ANO2: variants seen among roughly 807,000 people sequenced by gnomAD.
ANO2 encodes the protein anoctamin-2.
ANO2 carries 101 observed loss-of-function variants against 124.2 expected under a neutral mutation model. The ratio of observed to expected loss-of-function variants is 0.81; its 90% CI spans 0.69 to 0.96. ANO2 has a LOEUF of 0.96. Among genes scored for constraint, ANO2 ranks in the 40% least tolerant of loss-of-function variants. The pLI is 0.00. For missense variants in ANO2, 1,293 were observed against 1,274.5 expected (o/e 1.01, Z -0.22); for synonymous variants, 486 against 482.5 (o/e 1.01, Z -0.09).
chr12:5,578,490 G>C lies in ANO2; in HGVS notation c.2262C>G (p.Phe754Leu), dbSNP rs373194140. Reference protein sequence around the residue: ...MIIQFGFVTLFVASFPLAPVF... With the variant: ...MIIQFGFVTLLVASFPLAPVF... The stretch of plus-strand genomic sequence containing the variant: ...CAGGTGCCAGGGGAAAGGAGGCCAC[G>C]AAGAGGGTGACAAAACCAAACTGGA... The change falls in exon 21 of 25, where the codon TTC (phenylalanine) becomes TTG (leucine). Residue 754 changes from phenylalanine (F) to leucine (L), a missense_variant. Physicochemically the swap from Phe to Leu is conservative, Grantham distance 22 (BLOSUM62 0). Transcript: ENST00000682330. The C allele has an allele frequency of 6.2e-7, 1 of 1,613,662 alleles. No individual in the cohort carries two copies. The highest frequency in any genetic ancestry group is 1.3e-5 in the African/African-American group (1 of 74,926).
At chr12:5,789,839 G>A (rs1285840599) in intron 10 of ANO2, among the ~76,000 whole-genome samples, 6 of 152,240 alleles carry the variant, frequency 3.9e-5, no homozygotes, top group Non-Finnish European at 7.3e-5. Context: ...TTGTTGTAAC[G>A]TGTGTTCTGC....
chr12:5,807,204 C>G, intron 8 of ANO2, 109 bp downstream of exon 8: 1 of 886,222 alleles, frequency 1.1e-6, no homozygotes, highest in South Asian at 2.1e-5. Context: ...TGTCATGATT[C>G]ACTCCTGCCT....
chr12:5,692,440 T>C (rs1441806803), intron 14 of ANO2, among the ~76,000 whole-genome samples: 1 of 152,124 alleles, frequency 6.6e-6, no homozygotes, highest in African/African-American at 2.4e-5. Context: ...GATGTCAGGA[T>C]GTTAGTGAAT....
intron 10 of ANO2, among the ~76,000 whole-genome samples, chr12:5,798,006 G>A (rs1340526731): frequency 1.3e-5 from 2 of 152,196 alleles, no homozygotes; most frequent in Non-Finnish European, 2.9e-5. Flanking sequence ...GTCACCTGAA[G>A]TCTCTGCGGG....
chr12:5,730,341 G>C (rs73253242), intron 14 of ANO2, among the ~76,000 whole-genome samples: 21,461 of 152,234 alleles, frequency 0.14, 1,601 homozygotes, highest in Middle Eastern at 0.23. Context: ...ATCAGGCAGA[G>C]CTGGGTTTGA....
At chr12:5,943,368 T>C (rs1942971436) in intron 1 of ANO2, among the ~76,000 whole-genome samples, 2 of 151,928 alleles carry the variant, frequency 1.3e-5, no homozygotes, top group African/African-American at 4.8e-5. Flanking sequence ...GCAAATTGGA[T>C]GGAGCTAGAG....
intron 4 of ANO2, among the ~76,000 whole-genome samples, chr12:5,842,470 T>C (rs1954543629): frequency 6.6e-6 from 1 of 152,112 alleles, no homozygotes; most frequent in Non-Finnish European, 1.5e-5. Context: ...CCTGCCCTTT[T>C]CTCGCAGGCA....
chr12:5,633,549 C>A (rs1025785338), intron 16 of ANO2, among the ~76,000 whole-genome samples: 1 of 151,938 alleles, frequency 6.6e-6, no homozygotes, highest in Admixed American at 6.6e-5. Context: ...GAGTCCTCAG[C>A]CTGGCATTTT....
intron 20 of ANO2, among the ~76,000 whole-genome samples, chr12:5,593,489 T>G (rs1943509960): frequency 6.6e-6 from 1 of 152,230 alleles, no homozygotes; most frequent in Admixed American, 6.5e-5. Context: ...TTCTGATTCT[T>G]AGGTATGCCT....
At chr12:5,808,966 G>A (rs1953294703) in intron 7 of ANO2, among the ~76,000 whole-genome samples, 1 of 152,200 alleles carries the variant, frequency 6.6e-6, no homozygotes, top group African/African-American at 2.4e-5. Flanking sequence ...TGCCAGGTGT[G>A]CCCAGTAGAA....
intron 16 of ANO2, among the ~76,000 whole-genome samples, chr12:5,617,840 G>A (rs570102753): frequency 2.0e-5 from 3 of 152,094 alleles, no homozygotes; most frequent in Admixed American, 6.6e-5. Context: ...GTTTTCTTCC[G>A]TTATGCTTTA....
At position 5,862,956 on chromosome 12, in the gene ANO2, A is replaced by G. The variant is rs1162991710; in HGVS notation, c.535-8815T>C. ...CAGGCACCCACCACCACACCCAGCT[A>G]ATTTTTTGTATTTTTTTCTTTTTTT... On this transcript the variant is annotated intron_variant, in intron 3 of 24. Coordinates refer to ENST00000682330, the MANE Select transcript of ANO2 (RefSeq NM_001364791.2). This position sits in a 1 kb window ranked among gnomAD's most constrained non-coding sequence, Gnocchi z 4.0. Among the ~76,000 whole-genome samples, 1 of 151,718 alleles carries G rather than the reference A, an allele frequency of 6.6e-6. No individual in the cohort carries two copies. The highest frequency in any genetic ancestry group is 2.4e-5 in the African/African-American group (1 of 41,290).
At chr12:5,606,575 T>A (rs1483495333) in intron 19 of ANO2, among the ~76,000 whole-genome samples, 1 of 152,218 alleles carries the variant, frequency 6.6e-6, no homozygotes, top group African/African-American at 2.4e-5. Context: ...GTGAGGATTT[T>A]AATTAAAAAG....
chr12:5,855,300 C>G (rs1035867795), intron 3 of ANO2, among the ~76,000 whole-genome samples: 2 of 152,192 alleles, frequency 1.3e-5, no homozygotes, highest in Non-Finnish European at 2.9e-5. Flanking sequence ...CTACGTCCCC[C>G]CACTGAAGAA....
intron 13 of ANO2, among the ~76,000 whole-genome samples, chr12:5,735,819 G>A (rs998635864): frequency 6.6e-6 from 1 of 152,178 alleles, no homozygotes; most frequent in Non-Finnish European, 1.5e-5. Context: ...AATGACACAA[G>A]CTGAGGTTAG....
At chr12:5,684,890 G>A (rs1006183854) in intron 14 of ANO2, among the ~76,000 whole-genome samples, 1 of 152,150 alleles carries the variant, frequency 6.6e-6, no homozygotes, top group African/African-American at 2.4e-5. Context: ...GCAAATTCTG[G>A]CTCTACTGCT....
chr12:5,570,357 G>A (rs1298943755), intron 23 of ANO2, among the ~76,000 whole-genome samples: 1 of 152,164 alleles, frequency 6.6e-6, no homozygotes, highest in East Asian at 1.9e-4. Flanking sequence ...GGGTTGGGCA[G>A]GGGTTAGGGT....
rs1032272071 is a variant in ANO2, at chr12:5,904,354, G to A, written c.534+16686C>T. On this transcript the variant is annotated intron_variant, in intron 3 of 24. Transcript: ENST00000682330. This position sits in a 1 kb window ranked among gnomAD's most constrained non-coding sequence, Gnocchi z 4.1. The stretch of plus-strand genomic sequence containing the variant: ...GATCCCTGAGAAAAATGCAGCTGCC[G>A]CAAAGCAGGGTTACACTGAAGGGTC... 2.6e-5 allele frequency among the ~76,000 whole-genome samples: 4 copies of A among 152,180 alleles called. No homozygotes were observed. Among genetic ancestry groups the A allele is most frequent in the Non-Finnish European group, 4.4e-5 (3 of 68,038 alleles).
rs114440931 is a variant in ANO2, at chr12:5,665,476, C to T, written c.1546-17675G>A. Among the ~76,000 whole-genome samples the T allele has an allele frequency of 9.6e-3, 1,460 of 152,308 alleles. 21 individuals carry two copies. The highest frequency in any genetic ancestry group is 0.034 in the African/African-American group (1,399 of 41,546). On this transcript the variant is annotated intron_variant, in intron 14 of 24. Coordinates refer to ENST00000682330, the MANE Select transcript of ANO2 (RefSeq NM_001364791.2). ...ACTTATTTCTCTAGATTCTTTTCCTCCCTCTTGTAGCTCTTTCTAAAAATA... is the reference window on the plus strand; with the variant it reads ...ACTTATTTCTCTAGATTCTTTTCCTTCCTCTTGTAGCTCTTTCTAAAAATA...
Sources: gnomAD v4.1 joint callset for allele counts (sites outside exome capture counted in the v4.1 genomes callset) on GRCh38, gnomAD v4.1.1 for gene constraint, Gnocchi (gnomAD v3.1) non-coding constraint, MANE v1.5 for transcripts, NCBI Gene and HGNC (gene_info 2026-07-23, HGNC 2026-07-21) for gene names.